Variants in BBS4 observed in about 807,000 individuals in gnomAD.
The protein encoded by BBS4 is Bardet-Biedl syndrome 4.
A neutral mutation model predicts 71.4 loss-of-function variants in BBS4; 58 were observed. The observed-to-expected ratio is 0.81, with a 90% CI of 0.66 to 1.01. The LOEUF (loss-of-function observed/expected upper bound fraction) is 1.01, where lower values mean the gene tolerates loss of function less well. Among genes scored for constraint, BBS4 ranks in the 50% least tolerant of loss-of-function variants. The probability of loss-of-function intolerance (pLI) is 0.00; values close to 1 mark genes in which losing one functional copy is unlikely to be tolerated. For missense variants in BBS4, 660 were observed against 607.9 expected (o/e 1.09, Z -0.90); for synonymous variants, 228 against 216.8 (o/e 1.05, Z -0.46).
intron 6 of BBS4, among the ~76,000 whole-genome samples, chr15:72,721,075 A>G (rs2065565577): frequency 6.6e-6 from 1 of 152,236 alleles, no homozygotes; most frequent in South Asian, 2.1e-4. Flanking sequence ...TTCTTATAGC[A>G]TGACAAAGTT....
At chr15:72,729,726 C>G in intron 10 of BBS4, 42 bp downstream of exon 10, 2 of 1,531,966 alleles carry the variant, frequency 1.3e-6, no homozygotes, top group Non-Finnish European at 1.8e-6. Flanking sequence ...TATAGACGGT[C>G]CCACTGCTCC....
chr15:72,712,759 T>C (rs958121360), intron 4 of BBS4, among the ~76,000 whole-genome samples: 5 of 152,226 alleles, frequency 3.3e-5, no homozygotes, highest in Non-Finnish European at 7.3e-5. Context: ...TCTAGGACAT[T>C]ATTGTATACT....
Position 72,737,718 on chromosome 15 carries a change from A to C in BBS4, c.*131A>C, listed in dbSNP as rs556339880. 1.2e-3 allele frequency: 979 copies of C among 788,096 alleles called. 6 individuals are homozygous for C. Among genetic ancestry groups the C allele is most frequent in the Non-Finnish European group, 5.0e-4 (234 of 472,200 alleles). The allele number at this position is 788,096 out of a possible 1,614,324, so 48.8% of individuals were successfully genotyped here. A position where few individuals can be genotyped will look rare whatever the true frequency, so the allele number is the denominator to read the frequency against. On this transcript the variant is annotated 3_prime_UTR_variant, in exon 16 of 16. Transcript: ENST00000268057. Reference sequence around the variant, plus strand: ...ACAGTGTGTGTTATTACGAGGAGCCAGCAGTTGAGCCTAAGGTCCTTCTAC... The same window carrying C: ...ACAGTGTGTGTTATTACGAGGAGCCCGCAGTTGAGCCTAAGGTCCTTCTAC...
At chr15:72,736,088 C>G in intron 14 of BBS4, 122 bp downstream of exon 14, 3 of 1,128,992 alleles carry the variant, frequency 2.7e-6, no homozygotes, top group Non-Finnish European at 3.9e-6. Context: ...TTTGATGTTC[C>G]TAGCAGCATG....
At chr15:72,729,878 C>T (rs1175942243) in intron 10 of BBS4, among the ~76,000 whole-genome samples, 194 bp downstream of exon 10, 4 of 152,214 alleles carry the variant, frequency 2.6e-5, no homozygotes, top group Non-Finnish European at 4.4e-5. Flanking sequence ...TAAAAGTGCA[C>T]ATTTGTTATA....
intron 2 of BBS4, among the ~76,000 whole-genome samples, chr15:72,700,183 C>T (rs1250948793): frequency 6.6e-6 from 1 of 152,178 alleles, no homozygotes; most frequent in Non-Finnish European, 1.5e-5. Context: ...CATGATCCGC[C>T]CGCCTCAGCC....
At chr15:72,727,858 T>C in intron 8 of BBS4, 82 bp from the exon 9 acceptor site, 2 of 1,058,974 alleles carry the variant, frequency 1.9e-6, no homozygotes, top group Non-Finnish European at 3.0e-6. Flanking sequence ...TGTCAAGTAT[T>C]GCACGAGGGC....
At chr15:72,692,376 C>T (rs1239502793) in intron 1 of BBS4, among the ~76,000 whole-genome samples, 2 of 120,764 alleles carry the variant, frequency 1.7e-5, no homozygotes, top group Admixed American at 1.1e-4. Flanking sequence ...AGTGCAGTGG[C>T]GTGATCTTGG....
At chr15:72,715,164 T>C in intron 4 of BBS4, 127 bp from the exon 5 acceptor site, 1 of 708,532 alleles carries the variant, frequency 1.4e-6, no homozygotes, top group Admixed American at 2.1e-5. Flanking sequence ...GTTTTAAGGA[T>C]ACAGTTGTCC....
At chr15:72,697,808 A>T (rs1042042737) in intron 2 of BBS4, among the ~76,000 whole-genome samples, 2 of 152,196 alleles carry the variant, frequency 1.3e-5, no homozygotes, top group African/African-American at 4.8e-5. Flanking sequence ...TTTGAGGGTG[A>T]TGACTGCCAA....
At chr15:72,720,837 G>C (rs1388179484) in intron 6 of BBS4, among the ~76,000 whole-genome samples, 4 of 152,204 alleles carry the variant, frequency 2.6e-5, no homozygotes, top group Non-Finnish European at 4.4e-5. Flanking sequence ...TGAAAGATAG[G>C]ATTTGACTCT....
Position 72,736,978 on chromosome 15 carries a change from A to C in BBS4, c.1450+15A>C, listed in dbSNP as rs1429418053. 1.2e-6 allele frequency: 2 copies of C among 1,613,406 alleles called. No individual in the cohort carries two copies. The highest frequency in any genetic ancestry group is 4.5e-5 in the East Asian group (2 of 44,884). On this transcript the variant is annotated intron_variant, in intron 15 of 15. Transcript: ENST00000268057. ...GCTCCCCTCAGGTAGGACCATACAGAGCTCCATGAAGACCTGGCAGGTACA... is the reference window on the plus strand; with the variant it reads ...GCTCCCCTCAGGTAGGACCATACAGCGCTCCATGAAGACCTGGCAGGTACA...
chr15:72,712,105 A>C, intron 3 of BBS4, 139 bp from the exon 4 acceptor site: 1 of 709,356 alleles, frequency 1.4e-6, no homozygotes, highest in Non-Finnish European at 2.5e-6. Flanking sequence ...CTGACCTCAT[A>C]ATCTGCCTGC....
At chr15:72,712,342 A>G (rs1362951275) in intron 4 of BBS4, 35 bp downstream of exon 4, 3 of 1,590,396 alleles carry the variant, frequency 1.9e-6, no homozygotes, top group Non-Finnish European at 2.6e-6. Context: ...TTGCTAGAGA[A>G]ATACACTTTT....
chr15:72,686,225 A>AT lies in BBS4; in HGVS notation c.-3_-2insT. ...CGGCCGCGCAGCGGTGGGCTGAGCT[A>AT]AAATGGCTGAGGAGAGAGTCGCGAC... On this transcript the variant is annotated 5_prime_UTR_variant, in exon 1 of 16. Coordinates refer to ENST00000268057, the MANE Select transcript of BBS4 (RefSeq NM_033028.5). The AT allele has an allele frequency of 6.4e-7, 1 of 1,563,614 alleles. No homozygotes were observed. Among genetic ancestry groups the AT allele is most frequent in the South Asian group, 1.2e-5 (1 of 84,882 alleles).
intron 4 of BBS4, among the ~76,000 whole-genome samples, chr15:72,714,412 G>C (rs998562394): frequency 6.6e-6 from 1 of 151,906 alleles, no homozygotes; most frequent in Non-Finnish European, 1.5e-5. Flanking sequence ...TTTTAGTAGA[G>C]ACAAGGTTTT....
At chr15:72,704,299 C>T (rs1452014549) in intron 2 of BBS4, 1 of 488,358 alleles carries the variant, frequency 2.0e-6, no homozygotes, top group African/African-American at 2.0e-5. Flanking sequence ...GATCACTGTG[C>T]TTTATTGCAA....
At chr15:72,715,620 T>A (rs1350330912) in intron 5 of BBS4, among the ~76,000 whole-genome samples, 1 of 152,242 alleles carries the variant, frequency 6.6e-6, no homozygotes, top group African/African-American at 2.4e-5. Context: ...TTTTAAACAC[T>A]GTGCATTCTA....
intron 5 of BBS4, among the ~76,000 whole-genome samples, chr15:72,716,248 A>G (rs1252823967): frequency 1.3e-5 from 2 of 152,202 alleles, no homozygotes; most frequent in Admixed American, 6.5e-5. Flanking sequence ...ATAAACTACT[A>G]GGTACTCCCT....
Sources: allele counts gnomAD v4.1 joint callset (sites outside exome capture counted in the v4.1 genomes callset), GRCh38; gene constraint gnomAD v4.1.1; transcripts MANE v1.5; gene names NCBI Gene and HGNC (gene_info 2026-07-23, HGNC 2026-07-21).